The following TMTC2 variants were observed in gnomAD, a reference collection of about 807,000 sequenced individuals.
TMTC2 encodes protein O-mannosyl-transferase TMTC2.
In TMTC2, 43 loss-of-function variants were observed where a neutral mutation model predicts 82.4. The observed-to-expected ratio is 0.52, with a 90% CI of 0.41 to 0.67. The LOEUF (loss-of-function observed/expected upper bound fraction) is 0.67, where lower values mean the gene tolerates loss of function less well. Among genes scored for constraint, TMTC2 ranks in the 30% least tolerant of loss-of-function variants. The pLI is 0.00. For synonymous variants in TMTC2, 408 were observed against 381.9 expected (o/e 1.07, Z -0.80); for missense variants, 919 against 1,012.4 (o/e 0.91, Z 1.25).
intron 11 of TMTC2, among the ~76,000 whole-genome samples, chr12:83,107,227 G>T (rs10862583): frequency 0.53 from 79,943 of 152,102 alleles, 22,722 homozygotes; most frequent in South Asian, 0.64. Flanking sequence ...TGATATCAAA[G>T]ATATCTAACT....
chr12:82,730,004 G>A (rs11611431), intron 1 of TMTC2, among the ~76,000 whole-genome samples: 13,234 of 152,114 alleles, frequency 0.087, 793 homozygotes, highest in East Asian at 0.24. Flanking sequence ...GCGAGACCAC[G>A]AACCCACCAG....
In TMTC2 at chr12:83,091,377, A is replaced by G. The variant is rs1592740637; in HGVS notation, c.2331+29546A>G. ...TGCTGCAGAAAGTCTCCTTTTGCAT[A>G]TTTCCTTACATATTTTTTTACTTCT... is the stretch of plus-strand genomic sequence containing the variant. On this transcript the variant is annotated intron_variant, in intron 11 of 11. Transcript: ENST00000321196. 2.0e-5 allele frequency among the ~76,000 whole-genome samples: 3 copies of G among 152,156 alleles called. No individual in the cohort carries two copies. In the South Asian group the frequency reaches 6.2e-4, roughly 31 times the overall value.
At chr12:83,033,822 GTGTGTGTGTGTA>G (rs1269774621) in intron 9 of TMTC2, among the ~76,000 whole-genome samples, 1 of 150,146 alleles carries the variant, frequency 6.7e-6, no homozygotes, top group Non-Finnish European at 1.5e-5. Context: ...GTGTGTGTGT[GTGTGTGTGTGTA>G]TATATATGTA....
chr12:82,754,946 A>C (rs1350322916), intron 1 of TMTC2, among the ~76,000 whole-genome samples: 1 of 152,234 alleles, frequency 6.6e-6, no homozygotes, highest in African/African-American at 2.4e-5. Context: ...AAAGCATCTC[A>C]GAAAAAGGTG....
intron 1 of TMTC2, among the ~76,000 whole-genome samples, chr12:82,689,693 T>C (rs1872494561): frequency 6.6e-6 from 1 of 152,214 alleles, no homozygotes; most frequent in African/African-American, 2.4e-5. Context: ...GTGAGTGTGA[T>C]GATAAATTAG....
chr12:82,746,361 G>A (rs974332114), intron 1 of TMTC2, among the ~76,000 whole-genome samples: 4 of 152,098 alleles, frequency 2.6e-5, no homozygotes, highest in African/African-American at 9.7e-5. Flanking sequence ...TCAATTAATA[G>A]TAGTATTTGG....
intron 2 of TMTC2, among the ~76,000 whole-genome samples, chr12:82,868,951 A>G (rs1228833679): frequency 1.3e-5 from 2 of 152,114 alleles, no homozygotes; most frequent in Non-Finnish European, 2.9e-5. Flanking sequence ...TGCCAAAAAT[A>G]TTTCATGAAC....
At chr12:82,924,751 C>G (rs1305409352) in intron 3 of TMTC2, among the ~76,000 whole-genome samples, 2 of 152,168 alleles carry the variant, frequency 1.3e-5, no homozygotes, top group East Asian at 3.9e-4. Context: ...CAGTTGCCTT[C>G]CAGCTGGTCC....
rs956091712 is a variant in TMTC2, at chr12:83,061,913, G to T, written c.2331+82G>T. 46 of 1,020,206 alleles carry T rather than the reference G, an allele frequency of 4.5e-5. No individual in the cohort carries two copies. The Admixed American group carries it at 5.7e-4, about 13-fold the overall frequency. 63.2% of individuals were successfully genotyped at this position (1,020,206 alleles called of 1,614,324 possible). Reference sequence around the variant, plus strand: ...AGGTGTAAGAAGCATCATGATACTGGTTTTTTGTTTTTTGTTTTGTTTTGT... The same window carrying T: ...AGGTGTAAGAAGCATCATGATACTGTTTTTTTGTTTTTTGTTTTGTTTTGT... On this transcript the variant is annotated intron_variant, in intron 11 of 11. Transcript: ENST00000321196.
At chr12:82,876,300 A>G (rs139902782) in intron 2 of TMTC2, among the ~76,000 whole-genome samples, 18 of 150,932 alleles carry the variant, frequency 1.2e-4, no homozygotes, top group African/African-American at 2.5e-4. Context: ...CCTTCCAGGT[A>G]GATATGAAGT....
intron 2 of TMTC2, among the ~76,000 whole-genome samples, chr12:82,888,254 A>G (rs1349749727): frequency 6.6e-6 from 1 of 152,194 alleles, no homozygotes; most frequent in Non-Finnish European, 1.5e-5. Flanking sequence ...TTTCCCATTT[A>G]TATTTCTACT....
chr12:83,024,667 T>C (rs1050022138), intron 8 of TMTC2, among the ~76,000 whole-genome samples: 1 of 152,180 alleles, frequency 6.6e-6, no homozygotes, highest in Admixed American at 6.5e-5. Context: ...TTGTTCTAGT[T>C]GATATTCCTA....
chr12:82,706,423 G>A (rs952439102), intron 1 of TMTC2, among the ~76,000 whole-genome samples: 4 of 152,068 alleles, frequency 2.6e-5, no homozygotes, highest in African/African-American at 4.8e-5. Context: ...TAAAGCTGGA[G>A]GATAGGATGG....
intron 4 of TMTC2, among the ~76,000 whole-genome samples, chr12:82,962,587 T>C (rs1287392298): frequency 6.6e-6 from 1 of 152,082 alleles, no homozygotes; most frequent in Non-Finnish European, 1.5e-5. Flanking sequence ...CCTATTTTAT[T>C]TATTTCATTT....
chr12:83,020,875 A>G (rs1320069979), intron 8 of TMTC2, among the ~76,000 whole-genome samples: 1 of 152,204 alleles, frequency 6.6e-6, no homozygotes, highest in Non-Finnish European at 1.5e-5. Flanking sequence ...CATTTATGTA[A>G]TATTCATAGA....
At chr12:82,766,706 A>G (rs145360176) in intron 1 of TMTC2, among the ~76,000 whole-genome samples, 1 of 152,374 alleles carries the variant, frequency 6.6e-6, no homozygotes, top group East Asian at 1.9e-4. Context: ...CCTTGAATAA[A>G]AATCCCACTT....
rs554527617 is a variant in TMTC2 at position 83,125,894 on chromosome 12, G to A, written c.2332-6316G>A. ...CATTTTGATACAACTGCTTTGAAAA[G>A]CAATTTGGTAATAGCTAGCAAAGTC... On this transcript the variant is annotated intron_variant, in intron 11 of 11. Coordinates refer to ENST00000321196, the MANE Select transcript of TMTC2 (RefSeq NM_152588.3). 6.6e-5 allele frequency among the ~76,000 whole-genome samples: 10 copies of A among 152,272 alleles called. No individual in the cohort carries two copies. The East Asian group carries it at 1.4e-3, about 21-fold the overall frequency.
intron 2 of TMTC2, among the ~76,000 whole-genome samples, chr12:82,876,043 TGG>T (rs1872491697): frequency 8.8e-6 from 1 of 113,080 alleles, no homozygotes; most frequent in African/African-American, 3.1e-5. Flanking sequence ...GTGGTGGTGG[TGG>T]TGGTGGTGGT....
intron 4 of TMTC2, among the ~76,000 whole-genome samples, chr12:82,947,719 T>C (rs920911321): frequency 1.3e-5 from 2 of 152,152 alleles, no homozygotes; most frequent in African/African-American, 4.8e-5. Flanking sequence ...TTTTTGTTGT[T>C]GTTTTGTTTT....
Sources: gnomAD v4.1 joint callset for allele counts (sites outside exome capture counted in the v4.1 genomes callset) on GRCh38, gnomAD v4.1.1 for gene constraint, MANE v1.5 for transcripts, NCBI Gene and HGNC (gene_info 2026-07-23, HGNC 2026-07-21) for gene names.